Variants in CAPN15 observed in about 807,000 individuals in gnomAD.
CAPN15 encodes the protein calpain-15.
CAPN15 carries 53 observed loss-of-function variants against 97.9 expected under a neutral mutation model. The observed-to-expected ratio is 0.54, with a 90% CI of 0.43 to 0.68. CAPN15 has a LOEUF of 0.68. Ranked by LOEUF, CAPN15 falls within the 30% of genes least tolerant of loss-of-function variation. CAPN15 has a pLI of 0.00. For missense variants in CAPN15, 1,592 were observed against 1,589.8 expected (o/e 1.00, Z -0.02); for synonymous variants, 922 against 722.5 (o/e 1.28, Z -4.43).
intron 3 of CAPN15, among the ~76,000 whole-genome samples, chr16:545,687 A>C (rs2142027494): frequency 6.6e-6 from 1 of 152,296 alleles, no homozygotes; most frequent in Middle Eastern, 3.4e-3. Context: ...TGTCCTTGCT[A>C]GTCGGTGACA....
At chr16:533,111 C>G (rs1431321998) in intron 1 of CAPN15, among the ~76,000 whole-genome samples, 1 of 151,972 alleles carries the variant, frequency 6.6e-6, no homozygotes, top group African/African-American at 2.4e-5. Flanking sequence ...ATCCGAGCTA[C>G]TTGGGAGGCT....
At chr16:540,893 T>C (rs757876909) in intron 3 of CAPN15, among the ~76,000 whole-genome samples, 4 of 152,142 alleles carry the variant, frequency 2.6e-5, no homozygotes, top group Non-Finnish European at 4.4e-5. Context: ...CTGGAGGCAG[T>C]CCAGGTGGTG....
chr16:551,577 C>T lies in CAPN15; in HGVS notation c.2258C>T (p.Pro753Leu). 3.1e-6 allele frequency: 5 copies of T among 1,611,194 alleles called. No homozygotes were observed. The highest frequency in any genetic ancestry group is 4.2e-6 in the Non-Finnish European group (5 of 1,179,526). ...SWNGSWSDEW[P>L]HWPGHLRGEL... is the part of the protein sequence containing the mutation. ...AACGGCAGCTGGTCCGACGAGTGGC[C>T]ACACTGGCCGGGGCACCTGCGTGGC... The change falls in exon 9 of 14, where the codon CCA becomes CTA. Residue 753 changes from proline (P) to leucine (L), a missense_variant. Around this residue, in one of 3 missense-constraint regions of CAPN15, gnomAD observed 644 missense variants for 699.6 expected, o/e 0.92. Transcript: ENST00000219611.
chr16:548,444 C>CAATGGCCCTGGGGTCCAGCTTGGCCT (rs2034754009), intron 4 of CAPN15, among the ~76,000 whole-genome samples, 157 bp downstream of exon 4: 1 of 152,224 alleles, frequency 6.6e-6, no homozygotes, highest in South Asian at 2.1e-4. Context: ...TCCAAGCTCC[C>CAATGGCCCTGGGGTCCAGCTTGGCCT]AATGGCCCTG....
intron 3 of CAPN15, among the ~76,000 whole-genome samples, chr16:542,866 C>T (rs1416489291): frequency 2.6e-5 from 4 of 152,186 alleles, no homozygotes; most frequent in African/African-American, 9.7e-5. Context: ...CCAGCCTGGC[C>T]AACATGGTGA....
At chr16:551,870 G>A (rs28417967) in intron 9 of CAPN15, 181 bp from the exon 10 acceptor site, 74,669 of 958,802 alleles carry the variant, frequency 0.078, 6,825 homozygotes, top group African/African-American at 0.41. Flanking sequence ...CTGAAGAGCC[G>A]GCCCTGGAGG....
chr16:552,108 G>A lies in CAPN15; in HGVS notation c.2403G>A (p.Val801=). ...KVHSDWQEAR[V]QGCFPSSASA... Reference sequence around the variant, plus strand: ...ACTCGGACTGGCAGGAGGCGCGGGTGCAGGGCTGCTTTCCCAGCTCGGCCA... The same window carrying A: ...ACTCGGACTGGCAGGAGGCGCGGGTACAGGGCTGCTTTCCCAGCTCGGCCA... The change falls in exon 10 of 14, where the codon GTG becomes GTA. Residue 801 remains valine (V), a synonymous_variant. Transcript: ENST00000219611. This position sits in a 1 kb window ranked among gnomAD's most constrained non-coding sequence, Gnocchi z 6.4. 1 of 1,548,898 alleles carries A rather than the reference G, an allele frequency of 6.5e-7. No individual in the cohort carries two copies. Among genetic ancestry groups the A allele is most frequent in the Non-Finnish European group, 8.7e-7 (1 of 1,146,806 alleles).
At position 534,150 on chromosome 16, in the gene CAPN15, C is replaced by T. The variant is rs534872346; in HGVS notation, c.-137+152C>T. On this transcript the variant is annotated intron_variant, in intron 2 of 13. Transcript: ENST00000219611. ...CCTGGAGGCCGGCAGCCCTGCCTGC[C>T]CTGAAGAGCCTCGTTCTCCCAGCCG... 0.01 allele frequency among the ~76,000 whole-genome samples: 313 copies of T among 30,352 alleles called. 1 individual carries two copies. The African/African-American group carries it at 0.16, about 15-fold the overall frequency. The allele number at this position is 30,352 out of a possible 152,430, so 19.9% of individuals were successfully genotyped here. A position where few individuals can be genotyped will look rare whatever the true frequency, so the allele number is the denominator to read the frequency against.
chr16:545,348 C>T (rs951386336), intron 3 of CAPN15, among the ~76,000 whole-genome samples: 1 of 152,112 alleles, frequency 6.6e-6, no homozygotes, highest in African/African-American at 2.4e-5. Context: ...ACCGCTGACC[C>T]CTGACCCCTG....
At position 552,364 on chromosome 16, in the gene CAPN15, C is replaced by A. The variant is rs199859872; in HGVS notation, c.2571C>A (p.Phe857Leu). The A allele has an allele frequency of 1.3e-5, 21 of 1,599,028 alleles. No homozygotes were observed. Among genetic ancestry groups the A allele is most frequent in the Non-Finnish European group, 1.8e-5 (21 of 1,176,538 alleles). The part of the protein sequence containing the change: ...DLCILVFRAT[F>L]GSGGHLSLGR... The stretch of plus-strand genomic sequence containing the variant: ...GCATCCTGGTGTTCCGGGCCACGTT[C>A]GGCAGCGGCGGCCACCTCAGCCTGG... The change falls in exon 11 of 14, where the codon TTC becomes TTA. Residue 857 changes from phenylalanine to leucine, a missense_variant. By Grantham distance (22) the Phe-to-Leu change is conservative. This residue lies in a region of CAPN15 where 644 missense variants were observed against 699.6 expected (regional missense o/e 0.92). Transcript: ENST00000219611. The surrounding 1 kb of genome is among the most constrained non-coding windows in gnomAD (Gnocchi z 6.4).
intron 3 of CAPN15, among the ~76,000 whole-genome samples, chr16:540,987 C>A (rs1002970765): frequency 6.6e-6 from 1 of 152,220 alleles, no homozygotes; most frequent in South Asian, 2.1e-4. Flanking sequence ...CTCAGGGGCC[C>A]GGGGCCTCGG....
chr16:551,740 G>C, intron 9 of CAPN15, 76 bp downstream of exon 9: 1 of 1,554,898 alleles, frequency 6.4e-7, no homozygotes, highest in South Asian at 1.1e-5. Context: ...GAACAAGCCT[G>C]TCCCTCCTGC....
chr16:543,972 G>A (rs2034342854), intron 3 of CAPN15, among the ~76,000 whole-genome samples: 2 of 151,838 alleles, frequency 1.3e-5, no homozygotes, highest in Admixed American at 6.5e-5. Flanking sequence ...AGCCAGGGCA[G>A]CCTGCGGCCA....
At chr16:548,431 G>A in intron 4 of CAPN15, 144 bp downstream of exon 4, 1 of 851,696 alleles carries the variant, frequency 1.2e-6, no homozygotes, top group Non-Finnish European at 1.7e-6. Context: ...TCCGCCCCGA[G>A]GCTCCAAGCT....
chr16:538,639 C>T (rs944762230), intron 3 of CAPN15: 3 of 152,162 alleles, frequency 2.0e-5, no homozygotes, highest in Non-Finnish European at 4.4e-5. Context: ...CTCTGTCTCA[C>T]CCCCTCAGCC....
chr16:549,763 G>T lies in CAPN15; in HGVS notation c.1991G>T (p.Ser664Ile). 2 of 1,592,572 alleles carry T rather than the reference G, an allele frequency of 1.3e-6. No individual in the cohort carries two copies. Among genetic ancestry groups the T allele is most frequent in the Non-Finnish European group, 1.7e-6 (2 of 1,169,886 alleles). Residue 664 changes from serine (S) to isoleucine (I), a missense_variant, in exon 7 of 14, where the codon AGC (serine) becomes ATC (isoleucine). Transcript: ENST00000219611. Reference sequence around the variant, plus strand: ...TGTGAGAGCCTGGCGCTGCAGCTCAGCTCCACTAACCCCCGCGAGGAGCCC... The same window carrying T: ...TGTGAGAGCCTGGCGCTGCAGCTCATCTCCACTAACCCCCGCGAGGAGCCC... The part of the protein sequence containing the change: ...APCESLALQL[S>I]STNPREEPVD...
rs768798658 is a variant in CAPN15 at position 554,389 on chromosome 16, C to T, written c.*873C>T. 10 of 409,892 alleles carry T rather than the reference C, an allele frequency of 2.4e-5. No homozygotes were observed. The highest frequency in any genetic ancestry group is 3.9e-5 in the Non-Finnish European group (8 of 204,922). 25.4% of individuals were successfully genotyped at this position (409,892 alleles called of 1,614,324 possible). A position where few individuals can be genotyped will look rare whatever the true frequency, so the allele number is the denominator to read the frequency against. ...CTCACTCCCGGCAGCGGGCCGGCCT[C>T]GCCCCCACTCCCCCTCCTACCCCGG... On this transcript the variant is annotated 3_prime_UTR_variant, in exon 14 of 14. Transcript: ENST00000219611.
rs371195906 is a variant in CAPN15 at position 549,319 on chromosome 16, C to T, written c.1690C>T (p.Arg564Trp). 12 of 1,592,878 alleles carry T rather than the reference C, an allele frequency of 7.5e-6. No individual in the cohort carries two copies. Among genetic ancestry groups the T allele is most frequent in the Non-Finnish European group, 8.5e-7 (1 of 1,176,558 alleles). ...GAGCGCCCTGGCGGTGCTGGCGGAG[C>T]GGCCGGACCTGGTGGAGCGGGTGAT... ...FLSALAVLAE[R>W]PDLVERVMVT... The change falls in exon 6 of 14, where the codon CGG becomes TGG. Residue 564 changes from arginine to tryptophan, a missense_variant. Around this residue, in one of 3 missense-constraint regions of CAPN15, gnomAD observed 65 missense variants for 113.7 expected, o/e 0.57. Transcript: ENST00000219611.
rs1042919842 is a variant in CAPN15 at position 530,297 on chromosome 16, A to C, written c.-190+2268A>C. Among the ~76,000 whole-genome samples the C allele has an allele frequency of 9.8e-5, 15 of 152,288 alleles. No homozygotes were observed. The Middle Eastern group carries it at 0.01, about 104-fold the overall frequency. On this transcript the variant is annotated intron_variant, in intron 1 of 13. Transcript: ENST00000219611. The stretch of plus-strand genomic sequence containing the variant: ...GCAGGGTCCGTTTCTGTTTCTTGGT[A>C]GGCCTAGTGTCTAGCGCTATGCAGC...
Sources: allele counts gnomAD v4.1 joint callset (sites outside exome capture counted in the v4.1 genomes callset), GRCh38; gene constraint gnomAD v4.1.1; regional missense constraint gnomAD v4.1.1; non-coding constraint Gnocchi (gnomAD v3.1); transcripts MANE v1.5; gene names NCBI Gene and HGNC (gene_info 2026-07-23, HGNC 2026-07-21).